The following NRXN3 variants were observed in gnomAD, a reference collection of about 807,000 sequenced individuals.
NRXN3 encodes neurexin 3.
A neutral mutation model predicts 137.6 loss-of-function variants in NRXN3; 32 were observed. That is an observed-to-expected ratio of 0.23 (90% CI 0.18 to 0.31). The LOEUF (loss-of-function observed/expected upper bound fraction) is 0.31, where lower values mean the gene tolerates loss of function less well. NRXN3 is among the 10% of genes least tolerant of loss of function. The pLI is 1.00. For synonymous variants in NRXN3, 798 were observed against 784.5 expected (o/e 1.02, Z -0.29); for missense variants, 1,574 against 2,062.5 (o/e 0.76, Z 4.59).
Position 78,345,517 on chromosome 14 carries a change from A to C in NRXN3, c.757+47657A>C, listed in dbSNP as rs925041022. On this transcript the variant is annotated intron_variant, in intron 4 of 20. Transcript: ENST00000335750. ...GCTGCAGAAAAGAGCATTTTCCTAC[A>C]CCTGCCTCTTCCCAAGGGACTTGGG... 2.6e-5 allele frequency among the ~76,000 whole-genome samples: 4 copies of C among 152,120 alleles called. No homozygotes were observed. The South Asian group carries it at 6.2e-4, about 24-fold the overall frequency.
chr14:79,441,612 C>T (rs763353163), intron 15 of NRXN3, among the ~76,000 whole-genome samples: 35 of 151,744 alleles, frequency 2.3e-4, no homozygotes, highest in Non-Finnish European at 2.1e-4. Context: ...GATCTCCTGA[C>T]CTCGTGATCT....
chr14:79,222,713 A>G (rs892083160), intron 15 of NRXN3, among the ~76,000 whole-genome samples: 3 of 146,732 alleles, frequency 2.0e-5, no homozygotes, highest in African/African-American at 7.4e-5. Flanking sequence ...TTAAATATGG[A>G]CCATACTAAT....
chr14:79,361,060 G>C (rs185708204), intron 15 of NRXN3, among the ~76,000 whole-genome samples: 78 of 152,320 alleles, frequency 5.1e-4, no homozygotes, highest in Admixed American at 4.7e-3. Context: ...TATGATGAAG[G>C]CAGGGTGATT....
chr14:79,748,632 T>G (rs1249747770), intron 19 of NRXN3, among the ~76,000 whole-genome samples: 1 of 152,122 alleles, frequency 6.6e-6, no homozygotes, highest in Non-Finnish European at 1.5e-5. Context: ...TCCCCACATG[T>G]GCCTAGTAAC....
At chr14:78,342,430 T>C (rs2082245265) in intron 4 of NRXN3, among the ~76,000 whole-genome samples, 1 of 152,160 alleles carries the variant, frequency 6.6e-6, no homozygotes, top group Non-Finnish European at 1.5e-5. Flanking sequence ...AGGGTGACAT[T>C]AGTGGAGATG....
intron 16 of NRXN3, among the ~76,000 whole-genome samples, chr14:79,561,081 T>C (rs1213078985): frequency 1.3e-5 from 2 of 152,184 alleles, no homozygotes; most frequent in South Asian, 4.1e-4. Context: ...TCCACACCAC[T>C]TCTGAATCGA....
At chr14:78,217,939 G>A (rs2063463447) in intron 1 of NRXN3, among the ~76,000 whole-genome samples, 2 of 152,180 alleles carry the variant, frequency 1.3e-5, no homozygotes, top group South Asian at 2.1e-4. Flanking sequence ...GGGATTACAG[G>A]CATAAGCCCC....
intron 16 of NRXN3, among the ~76,000 whole-genome samples, chr14:79,581,094 C>A (rs1474197437): frequency 6.6e-6 from 1 of 152,072 alleles, no homozygotes; most frequent in Non-Finnish European, 1.5e-5. Context: ...ACTCTGCTGG[C>A]TTCTCTTTCA....
intron 15 of NRXN3, among the ~76,000 whole-genome samples, chr14:79,437,079 AATCT>A (rs1473340827): frequency 6.6e-6 from 1 of 152,042 alleles, no homozygotes; most frequent in Non-Finnish European, 1.5e-5. Flanking sequence ...GGCCCTTCCG[AATCT>A]ATCTCTAGCC....
At chr14:79,636,245 C>A (rs550993703) in intron 16 of NRXN3, among the ~76,000 whole-genome samples, 3 of 152,152 alleles carry the variant, frequency 2.0e-5, no homozygotes, top group Non-Finnish European at 4.4e-5. Context: ...ACAATTTAAC[C>A]CATAACTCCA....
chr14:78,298,905 A>G (rs909795882), intron 4 of NRXN3, among the ~76,000 whole-genome samples: 5 of 152,126 alleles, frequency 3.3e-5, no homozygotes, highest in African/African-American at 1.2e-4. Context: ...GCTCCCTGAC[A>G]TTGAGTCCAT....
chr14:78,785,505 C>T (rs180742943), intron 8 of NRXN3, among the ~76,000 whole-genome samples: 22 of 152,246 alleles, frequency 1.4e-4, no homozygotes, highest in African/African-American at 5.1e-4. Flanking sequence ...TAACTTGTTC[C>T]CTGTAGACTC....
intron 4 of NRXN3, among the ~76,000 whole-genome samples, chr14:78,569,864 C>T (rs2096873674): frequency 6.6e-6 from 1 of 152,230 alleles, no homozygotes; most frequent in Admixed American, 6.5e-5. Flanking sequence ...CCTGCCTCAG[C>T]CTCCTGAGTA....
At chr14:79,257,766 T>C (rs188907593) in intron 15 of NRXN3, among the ~76,000 whole-genome samples, 1 of 152,034 alleles carries the variant, frequency 6.6e-6, no homozygotes, top group Admixed American at 6.5e-5. Context: ...TATCAACCTT[T>C]GTACAAGTAA....
intron 6 of NRXN3, among the ~76,000 whole-genome samples, chr14:78,692,955 C>T (rs1257040577): frequency 1.3e-5 from 2 of 151,718 alleles, no homozygotes; most frequent in Non-Finnish European, 2.9e-5. Flanking sequence ...TGGTGGCACA[C>T]GTCTGCAGTC....
intron 4 of NRXN3, among the ~76,000 whole-genome samples, chr14:78,463,781 T>C (rs1567664890): frequency 6.7e-6 from 1 of 149,192 alleles, no homozygotes; most frequent in Non-Finnish European, 1.5e-5. Context: ...TTGTTGGGAT[T>C]TTTTTTAGAT....
At chr14:79,464,872 T>C (rs2096401465) in intron 15 of NRXN3, among the ~76,000 whole-genome samples, 1 of 152,174 alleles carries the variant, frequency 6.6e-6, no homozygotes, top group South Asian at 2.1e-4. Context: ...TCCCATACAA[T>C]TGTTGCAAAG....
In NRXN3 at chr14:79,125,136, C is replaced by G. The variant is rs115151140; in HGVS notation, c.3262+136995C>G. Among the ~76,000 whole-genome samples, 126 of 152,332 alleles carry G rather than the reference C, an allele frequency of 8.3e-4. 1 individual carries two copies. Among genetic ancestry groups the G allele is most frequent in the African/African-American group, 2.2e-3 (91 of 41,570 alleles). ...TTACAAATACACTACTTGGCACACT[C>G]TTTCCCCAGATCTTCATCTGGCTGT... is the stretch of plus-strand genomic sequence containing the variant. On this transcript the variant is annotated intron_variant, in intron 15 of 20. Coordinates refer to ENST00000335750, the MANE Select transcript of NRXN3 (RefSeq NM_001330195.2).
intron 4 of NRXN3, among the ~76,000 whole-genome samples, chr14:78,581,979 TG>T (rs959541016): frequency 2.0e-5 from 3 of 152,256 alleles, no homozygotes; most frequent in Non-Finnish European, 4.4e-5. Flanking sequence ...TACCTTTCTT[TG>T]ATGCCGTATC....
Sources: gnomAD v4.1 joint callset for allele counts (sites outside exome capture counted in the v4.1 genomes callset) on GRCh38, gnomAD v4.1.1 for gene constraint, MANE v1.5 for transcripts, NCBI Gene and HGNC (gene_info 2026-07-23, HGNC 2026-07-21) for gene names.